ALPK1: variants seen among roughly 807,000 people sequenced by gnomAD.
ALPK1 encodes the protein alpha-protein kinase 1.
Under a neutral mutation model 120.6 loss-of-function variants are expected in ALPK1, and 110 were observed. The observed-to-expected ratio is 0.91, with a 90% CI of 0.78 to 1.07. The LOEUF (loss-of-function observed/expected upper bound fraction) is 1.07. Ranked by LOEUF, ALPK1 falls within the 50% of genes least tolerant of loss-of-function variation. ALPK1 has a pLI of 0.00. For synonymous variants in ALPK1, 582 were observed against 560.3 expected (o/e 1.04, Z -0.55); for missense variants, 1,498 against 1,483.9 (o/e 1.01, Z -0.16).
intron 2 of ALPK1, among the ~76,000 whole-genome samples, chr4:112,334,710 T>G (rs1412419884): frequency 6.6e-6 from 1 of 152,170 alleles, no homozygotes; most frequent in East Asian, 1.9e-4. Flanking sequence ...GAATTTTACC[T>G]ATTATTTTAA....
intron 5 of ALPK1, among the ~76,000 whole-genome samples, chr4:112,413,686 T>C (rs935538036): frequency 6.6e-6 from 1 of 152,254 alleles, no homozygotes; most frequent in Non-Finnish European, 1.5e-5. Context: ...CCCAGAATGC[T>C]GGGATTACAG....
chr4:112,435,043 A>G, intron 11 of ALPK1, 105 bp from the exon 12 acceptor site: 1 of 1,112,490 alleles, frequency 9.0e-7, no homozygotes, highest in Non-Finnish European at 1.3e-6. Context: ...TAAAAAAGTG[A>G]AGATTTCAGG....
chr4:112,379,631 A>G (rs1490345621), intron 3 of ALPK1, among the ~76,000 whole-genome samples: 1 of 152,232 alleles, frequency 6.6e-6, no homozygotes, highest in Non-Finnish European at 1.5e-5. Context: ...TCCCAGAGAA[A>G]GGCATTAGTA....
rs1560691116 is a variant in ALPK1, at chr4:112,438,481, T to TATGTTGGGAA, written c.3189-2_3189-1insTGTTGGGAAA. ...TTGTTGTGTGGATTTTCTTTGTTCA[T>TATGTTGGGAA]AGGTATGTTGGGAAAGACTATAAGG... On this transcript the variant is annotated splice_polypyrimidine_tract_variant and splice_region_variant and intron_variant, in intron 12 of 15. Transcript: ENST00000650871. The TATGTTGGGAA allele has an allele frequency of 2.5e-6, 4 of 1,612,354 alleles. No homozygotes were observed. The African/African-American group carries it at 5.3e-5, about 22-fold the overall frequency.
intron 2 of ALPK1, among the ~76,000 whole-genome samples, chr4:112,369,099 G>A (rs1470668969): frequency 6.6e-6 from 1 of 152,090 alleles, no homozygotes; most frequent in Non-Finnish European, 1.5e-5. Context: ...GATTTAAAAT[G>A]TTTTTGCAGC....
At chr4:112,377,134 T>C (rs773768574) in intron 2 of ALPK1, among the ~76,000 whole-genome samples, 3 of 152,204 alleles carry the variant, frequency 2.0e-5, no homozygotes, top group Non-Finnish European at 4.4e-5. Context: ...GGATATCAGT[T>C]CTCTATTTTA....
chr4:112,418,088 A>G (rs1733819596), intron 5 of ALPK1, among the ~76,000 whole-genome samples: 1 of 152,182 alleles, frequency 6.6e-6, no homozygotes, highest in Non-Finnish European at 1.5e-5. Flanking sequence ...AGCATTTTTA[A>G]GGTACAGCCA....
chr4:112,426,245 A>G, intron 7 of ALPK1: 1 of 317,366 alleles, frequency 3.2e-6, no homozygotes, highest in Non-Finnish European at 5.7e-6. Flanking sequence ...CATATTATAT[A>G]TACAAATATA....
chr4:112,433,142 G>C (rs1451783798), intron 11 of ALPK1, among the ~76,000 whole-genome samples: 1 of 152,118 alleles, frequency 6.6e-6, no homozygotes, highest in African/African-American at 2.4e-5. Context: ...GCGGTTTCTT[G>C]CCAGCCAATT....
chr4:112,359,195 A>G, intron 2 of ALPK1: 1 of 605,544 alleles, frequency 1.7e-6, no homozygotes, highest in Non-Finnish European at 3.0e-6. Context: ...CACCCCCCAC[A>G]GGAGACCCTG....
intron 5 of ALPK1, among the ~76,000 whole-genome samples, chr4:112,421,937 C>A (rs1490204782): frequency 6.6e-6 from 1 of 152,202 alleles, no homozygotes; most frequent in Non-Finnish European, 1.5e-5. Context: ...CACTTTACAG[C>A]TTCTCTTTGG....
At chr4:112,394,338 G>T (rs1732558160) in intron 4 of ALPK1, among the ~76,000 whole-genome samples, 1 of 152,130 alleles carries the variant, frequency 6.6e-6, no homozygotes, top group African/African-American at 2.4e-5. Flanking sequence ...AATTAAAACA[G>T]AAATTGTATA....
chr4:112,304,511 C>A (rs1031740039), intron 1 of ALPK1, among the ~76,000 whole-genome samples: 4 of 152,124 alleles, frequency 2.6e-5, no homozygotes, highest in African/African-American at 9.7e-5. Context: ...TGATGATGAG[C>A]ATTTTTTCAT....
chr4:112,396,510 C>A (rs1198321289), intron 4 of ALPK1, among the ~76,000 whole-genome samples: 2 of 152,142 alleles, frequency 1.3e-5, no homozygotes, highest in Middle Eastern at 3.2e-3. Flanking sequence ...TGCTGAGTAA[C>A]CATCCAACAT....
chr4:112,416,266 A>G (rs1733742704), intron 5 of ALPK1, among the ~76,000 whole-genome samples: 2 of 152,170 alleles, frequency 1.3e-5, no homozygotes, highest in African/African-American at 2.4e-5. Context: ...ATGACCACTA[A>G]CAACCTTAAA....
At chr4:112,434,822 G>A (rs1407691687) in intron 11 of ALPK1, among the ~76,000 whole-genome samples, 3 of 151,970 alleles carry the variant, frequency 2.0e-5, no homozygotes, top group African/African-American at 7.3e-5. Flanking sequence ...TGGTCTCTGG[G>A]GTTTTCTGAT....
Position 112,411,833 on chromosome 4 carries a change from C to T in ALPK1, c.283C>T (p.Leu95=), listed in dbSNP as rs777661055. 1 of 1,611,240 alleles carries T rather than the reference C, an allele frequency of 6.2e-7. No individual in the cohort carries two copies. The highest frequency in any genetic ancestry group is 8.5e-7 in the Non-Finnish European group (1 of 1,178,814). ...GAGLQQLLAS[L]RASILARDCA... is the part of the protein sequence containing the mutation. ...TTCCACGCTGTTCCTCCAGGCGTCCCTGAGGGCCTCCATCCTCGCTCGGGA... is the reference window on the plus strand; with the variant it reads ...TTCCACGCTGTTCCTCCAGGCGTCCTTGAGGGCCTCCATCCTCGCTCGGGA... Residue 95 remains leucine, a synonymous_variant, in exon 5 of 16, where the codon CTG becomes TTG. Coordinates refer to ENST00000650871, the MANE Select transcript of ALPK1 (RefSeq NM_025144.4).
intron 2 of ALPK1, chr4:112,358,650 C>A: frequency 1.4e-6 from 1 of 710,270 alleles, no homozygotes; most frequent in Non-Finnish European, 2.5e-6. Context: ...GGAGCAGGCC[C>A]ACAGGTGCTC....
At position 112,300,723 on chromosome 4, in the gene ALPK1, G is replaced by T. The variant is rs150894822; in HGVS notation, c.-153+3254G>T. On this transcript the variant is annotated intron_variant, in intron 1 of 15. Coordinates refer to ENST00000650871, the MANE Select transcript of ALPK1 (RefSeq NM_025144.4). The stretch of plus-strand genomic sequence containing the variant: ...AGATAAAAAAAAAAAAGGCAGGGAA[G>T]GGGGAATGGAAATTTGGCCTGACCT... Among the ~76,000 whole-genome samples the T allele has an allele frequency of 9.1e-3, 1,375 of 151,560 alleles. 5 individuals are homozygous for T. Among genetic ancestry groups the T allele is most frequent in the South Asian group, 0.021 (102 of 4,804 alleles).
Sources: allele counts gnomAD v4.1 joint callset (sites outside exome capture counted in the v4.1 genomes callset), GRCh38; gene constraint gnomAD v4.1.1; transcripts MANE v1.5; gene names NCBI Gene and HGNC (gene_info 2026-07-23, HGNC 2026-07-21).